The following RABGAP1L variants were observed in gnomAD, a reference collection of about 807,000 sequenced individuals.
RABGAP1L encodes rab GTPase-activating protein 1-like.
A neutral mutation model predicts 137.7 loss-of-function variants in RABGAP1L; 63 were observed. That is an observed-to-expected ratio of 0.46 (90% CI 0.37 to 0.56). The LOEUF (loss-of-function observed/expected upper bound fraction) is 0.56, where lower values mean the gene tolerates loss of function less well. Among genes scored for constraint, RABGAP1L ranks in the 20% least tolerant of loss-of-function variants. The pLI is 0.00. For synonymous variants in RABGAP1L, 431 were observed against 433.7 expected (o/e 0.99, Z 0.08); for missense variants, 1,095 against 1,244.0 (o/e 0.88, Z 1.80).
At chr1:174,775,770 C>T (rs1326486821) in intron 18 of RABGAP1L, among the ~76,000 whole-genome samples, 1 of 152,144 alleles carries the variant, frequency 6.6e-6, no homozygotes, top group African/African-American at 2.4e-5. Context: ...TGCTCAAAGT[C>T]AAGAATACCC....
At chr1:174,166,708 T>TA (rs1412631136) in intron 1 of RABGAP1L, among the ~76,000 whole-genome samples, 1 of 152,266 alleles carries the variant, frequency 6.6e-6, no homozygotes, top group East Asian at 1.9e-4. Context: ...ATTTCACACT[T>TA]ACTGCTTCTA....
intron 10 of RABGAP1L, among the ~76,000 whole-genome samples, chr1:174,303,543 C>T (rs930721328): frequency 3.9e-5 from 6 of 152,068 alleles, no homozygotes; most frequent in Non-Finnish European, 7.4e-5. Flanking sequence ...TTATTGAGCT[C>T]CTGTTTACAT....
intron 11 of RABGAP1L, among the ~76,000 whole-genome samples, chr1:174,370,275 T>C (rs151109764): frequency 6.3e-4 from 96 of 152,250 alleles, no homozygotes; most frequent in African/African-American, 2.1e-3. Flanking sequence ...TTGTTCTTTC[T>C]TTCCTTTCTC....
intron 17 of RABGAP1L, among the ~76,000 whole-genome samples, chr1:174,722,188 A>G (rs1681599583): frequency 6.6e-6 from 1 of 152,092 alleles, no homozygotes; most frequent in Non-Finnish European, 1.5e-5. Flanking sequence ...CCCCACCCAC[A>G]AAGTGCTGTG....
chr1:174,728,705 G>T (rs571486351), intron 17 of RABGAP1L, among the ~76,000 whole-genome samples: 1 of 149,732 alleles, frequency 6.7e-6, no homozygotes, highest in Non-Finnish European at 1.5e-5. Flanking sequence ...GCAGTGGTAC[G>T]ATCTCGGCTC....
At chr1:174,819,539 T>C (rs1373373401) in intron 19 of RABGAP1L, among the ~76,000 whole-genome samples, 1 of 152,096 alleles carries the variant, frequency 6.6e-6, no homozygotes, top group Non-Finnish European at 1.5e-5. Flanking sequence ...AGAGATATAA[T>C]AAAGATATAT....
intron 13 of RABGAP1L, among the ~76,000 whole-genome samples, chr1:174,466,180 C>T (rs1657275064): frequency 6.6e-6 from 1 of 152,146 alleles, no homozygotes; most frequent in Non-Finnish European, 1.5e-5. Context: ...AACATAGTTG[C>T]AGGGCTTTGC....
chr1:174,614,218 G>C lies in RABGAP1L; in HGVS notation c.1711-23157G>C, dbSNP rs563883386. Among the ~76,000 whole-genome samples, 538 of 152,256 alleles carry C rather than the reference G, an allele frequency of 3.5e-3. 3 individuals carry two copies. Among genetic ancestry groups the C allele is most frequent in the African/African-American group, 0.012 (515 of 41,536 alleles). ...TACCGGTTGTTCCTTTCCATGTTTA[G>C]CGCTTCCTTCAGGAGCTCTTTTAGG... On this transcript the variant is annotated intron_variant, in intron 13 of 25. Coordinates refer to ENST00000681986, the MANE Select transcript of RABGAP1L (RefSeq NM_001366446.1).
chr1:174,509,780 C>T (rs1662163775), intron 13 of RABGAP1L, among the ~76,000 whole-genome samples: 1 of 152,180 alleles, frequency 6.6e-6, no homozygotes, highest in Non-Finnish European at 1.5e-5. Context: ...TCTAGTCCAT[C>T]TAATCATCCC....
chr1:174,265,558 A>G (rs1261155314), intron 7 of RABGAP1L, among the ~76,000 whole-genome samples: 1 of 151,614 alleles, frequency 6.6e-6, no homozygotes, highest in Non-Finnish European at 1.5e-5. Flanking sequence ...AAAAAAAAAA[A>G]AAAAGTGAAG....
chr1:174,236,646 A>G (rs2148529895), intron 4 of RABGAP1L, among the ~76,000 whole-genome samples: 1 of 146,464 alleles, frequency 6.8e-6, no homozygotes, highest in South Asian at 2.2e-4. Flanking sequence ...GTTTGTTATA[A>G]TTTCTGTTCT....
At chr1:174,551,423 A>G in intron 13 of RABGAP1L, among the ~76,000 whole-genome samples, 1 of 152,160 alleles carries the variant, frequency 6.6e-6, no homozygotes, top group Middle Eastern at 3.2e-3. Flanking sequence ...TGGGTCAAAG[A>G]GGAAGTCTCA....
intron 19 of RABGAP1L, among the ~76,000 whole-genome samples, chr1:174,944,368 G>A (rs1666404502): frequency 6.6e-6 from 1 of 151,684 alleles, no homozygotes; most frequent in Non-Finnish European, 1.5e-5. Flanking sequence ...TCAAGGCCAG[G>A]TGTAGTGGCT....
At position 174,278,709 on chromosome 1, in the gene RABGAP1L, C is replaced by A; in HGVS notation, c.1253C>A (p.Pro418His). 4 of 1,590,674 alleles carry A rather than the reference C, an allele frequency of 2.5e-6. No individual in the cohort carries two copies. The highest frequency in any genetic ancestry group is 3.4e-6 in the Non-Finnish European group (4 of 1,173,478). Residue 418 changes from proline to histidine, a missense_variant, in exon 10 of 26, where the codon CCT becomes CAT. Pro to His is a moderately conservative substitution (Grantham distance 77). Transcript: ENST00000681986. ...CTGGAGACAGTAGTCCGTGTGTACC[C>A]TGCAAATGAGCGATTTTGGTATTTC... ...FLLETVVRVY[P>H]ANERFWYFSR...
chr1:174,704,407 C>CTAA (rs1316190466), intron 17 of RABGAP1L, among the ~76,000 whole-genome samples: 1 of 152,188 alleles, frequency 6.6e-6, no homozygotes, highest in Non-Finnish European at 1.5e-5. Flanking sequence ...TCTCAGCCTA[C>CTAA]TAAAACAGTA....
intron 1 of RABGAP1L, among the ~76,000 whole-genome samples, chr1:174,183,797 C>A (rs1434698155): frequency 6.6e-6 from 1 of 151,988 alleles, no homozygotes; most frequent in Non-Finnish European, 1.5e-5. Context: ...GTTTGTCTTG[C>A]CTCAATACTT....
Position 174,455,584 on chromosome 1 carries a change from T to G in RABGAP1L, c.1710+61439T>G, listed in dbSNP as rs1038140306. Among the ~76,000 whole-genome samples the G allele has an allele frequency of 3.3e-5, 5 of 152,272 alleles. No individual in the cohort carries two copies. In the Middle Eastern group the frequency reaches 0.01, roughly 311 times the overall value. On this transcript the variant is annotated intron_variant, in intron 13 of 25. Transcript: ENST00000681986. ...GTTTATGTACATACTCTGTAAAGTA[T>G]AGCTTTAAGATGTTTACTTATGTTC...
At chr1:174,277,718 A>C (rs1269872813) in intron 9 of RABGAP1L, among the ~76,000 whole-genome samples, 1 of 152,078 alleles carries the variant, frequency 6.6e-6, no homozygotes, top group East Asian at 1.9e-4. Flanking sequence ...AGAGATGAAA[A>C]GTCTTGGATC....
At chr1:174,388,862 G>T (rs1212765705) in intron 12 of RABGAP1L, among the ~76,000 whole-genome samples, 1 of 151,954 alleles carries the variant, frequency 6.6e-6, no homozygotes, top group Admixed American at 6.6e-5. Context: ...CCTTCAAATC[G>T]GTCATTCTTT....
Sources: gnomAD v4.1 joint callset for allele counts (sites outside exome capture counted in the v4.1 genomes callset) on GRCh38, gnomAD v4.1.1 for gene constraint, MANE v1.5 for transcripts, NCBI Gene and HGNC (gene_info 2026-07-23, HGNC 2026-07-21) for gene names.